The following LDLRAD4 variants were observed in gnomAD, a reference collection of about 807,000 sequenced individuals.
LDLRAD4 encodes low density lipoprotein receptor class A domain containing 4.
LDLRAD4 carries 5 observed loss-of-function variants against 17.0 expected under a neutral mutation model. The observed-to-expected ratio is 0.29, with a 90% CI of 0.15 to 0.62. LDLRAD4 has a LOEUF of 0.62. Among genes scored for constraint, LDLRAD4 ranks in the 20% least tolerant of loss-of-function variants. The pLI is 0.84. For synonymous variants in LDLRAD4, 168 were observed against 171.8 expected (o/e 0.98, Z 0.17); for missense variants, 340 against 424.7 (o/e 0.80, Z 1.75).
chr18:13,449,269 C>T (rs895663759), intron 3 of LDLRAD4, among the ~76,000 whole-genome samples: 1 of 152,164 alleles, frequency 6.6e-6, no homozygotes, highest in Admixed American at 6.5e-5. Context: ...CCTTCTTGCC[C>T]TAGACCCTTT....
chr18:13,267,645 A>G (rs934512576), intron 1 of LDLRAD4, among the ~76,000 whole-genome samples: 1 of 152,240 alleles, frequency 6.6e-6, no homozygotes, highest in Non-Finnish European at 1.5e-5. Flanking sequence ...CGTCGTGTGT[A>G]ACCCAGCTAC....
At chr18:13,476,299 T>C (rs1245251718) in intron 3 of LDLRAD4, among the ~76,000 whole-genome samples, 1 of 152,084 alleles carries the variant, frequency 6.6e-6, no homozygotes, top group East Asian at 1.9e-4. Flanking sequence ...AGAAGTAAAT[T>C]GCCAACATTA....
Position 13,571,385 on chromosome 18 carries a change from C to T in LDLRAD4, c.182-49732C>T, listed in dbSNP as rs556443120. On this transcript the variant is annotated intron_variant, in intron 3 of 5. Transcript: ENST00000359446. Reference sequence around the variant, plus strand: ...AAAGCATGTGAAGTTGGTCACAGCCCGTCACCCTGTTTCTGCCATCTCCGT... The same window carrying T: ...AAAGCATGTGAAGTTGGTCACAGCCTGTCACCCTGTTTCTGCCATCTCCGT... 8.5e-5 allele frequency among the ~76,000 whole-genome samples: 13 copies of T among 152,270 alleles called. No homozygotes were observed. The East Asian group carries it at 9.6e-4, about 11-fold the overall frequency.
At position 13,349,159 on chromosome 18, in the gene LDLRAD4, C is replaced by T. The variant is rs577045916; in HGVS notation, c.-382-38182C>T. Among the ~76,000 whole-genome samples, 6 of 152,304 alleles carry T rather than the reference C, an allele frequency of 3.9e-5. No individual in the cohort carries two copies. In the East Asian group the frequency reaches 7.7e-4, roughly 20 times the overall value. The stretch of plus-strand genomic sequence containing the variant: ...AAATGCAGAAATCGTTTGTCTTCTG[C>T]GTTGCTCACGCTGGGAGCTGTAGAC... On this transcript the variant is annotated intron_variant, in intron 1 of 5. Coordinates refer to ENST00000359446, the Ensembl canonical transcript of LDLRAD4.
chr18:13,615,672 GC>G (rs1469075477), intron 3 of LDLRAD4: 3 of 152,222 alleles, frequency 2.0e-5, no homozygotes, highest in Non-Finnish European at 4.4e-5. Context: ...CACTGTCACT[GC>G]TGTACAATAA....
chr18:13,268,879 A>G (rs1599012829), intron 1 of LDLRAD4, among the ~76,000 whole-genome samples: 1 of 152,390 alleles, frequency 6.6e-6, no homozygotes, highest in Admixed American at 6.5e-5. Flanking sequence ...TAGTGATTTA[A>G]AAAATGAAGA....
chr18:13,273,815 C>T (rs780996276), upstream of LDLRAD4, among the ~76,000 whole-genome samples: 27 of 152,206 alleles, frequency 1.8e-4, no homozygotes, highest in African/African-American at 5.8e-4. Flanking sequence ...TCATGCAGTC[C>T]TGTCCTGGTG....
At chr18:13,635,080 G>A (rs1383832167) in intron 4 of LDLRAD4, among the ~76,000 whole-genome samples, 4 of 152,114 alleles carry the variant, frequency 2.6e-5, no homozygotes, top group African/African-American at 9.7e-5. Flanking sequence ...TAACTCAAAT[G>A]GACAAAAATA....
intron 3 of LDLRAD4, among the ~76,000 whole-genome samples, chr18:13,442,610 G>A (rs1027065407): frequency 1.6e-4 from 24 of 152,210 alleles, no homozygotes; most frequent in African/African-American, 4.8e-4. Context: ...CCTGCTGGCC[G>A]GCCGGCTGCG....
chr18:13,609,904 C>T (rs1182900507), intron 3 of LDLRAD4, among the ~76,000 whole-genome samples: 3 of 152,186 alleles, frequency 2.0e-5, no homozygotes, highest in Admixed American at 2.0e-4. Context: ...ATCACTTGAA[C>T]CGGGGAGACA....
chr18:13,520,436 A>G (rs1477669860), intron 3 of LDLRAD4: 2 of 152,234 alleles, frequency 1.3e-5, no homozygotes, highest in African/African-American at 4.8e-5. Context: ...TTGACAAAGG[A>G]AGTGACATAT....
At chr18:13,409,631 C>G (rs1405827462) in intron 2 of LDLRAD4, among the ~76,000 whole-genome samples, 2 of 152,218 alleles carry the variant, frequency 1.3e-5, no homozygotes, top group Non-Finnish European at 2.9e-5. Flanking sequence ...ATTCTCTAAA[C>G]TAATTCTTAA....
chr18:13,533,337 C>G (rs2094156071), intron 3 of LDLRAD4, among the ~76,000 whole-genome samples: 1 of 152,168 alleles, frequency 6.6e-6, no homozygotes, highest in Admixed American at 6.5e-5. Context: ...CTCATGACCA[C>G]TTTGAAGAAC....
intron 1 of LDLRAD4, among the ~76,000 whole-genome samples, chr18:13,301,594 C>T (rs1331817377): frequency 6.6e-6 from 1 of 152,142 alleles, no homozygotes; most frequent in Non-Finnish European, 1.5e-5. Context: ...CTCACCTTGT[C>T]CCCAGGAGCC....
Position 13,250,169 on chromosome 18 carries a change from G to A in LDLRAD4, c.-466-27936G>A, listed in dbSNP as rs563224307. 6.8e-3 allele frequency among the ~76,000 whole-genome samples: 1,042 copies of A among 152,212 alleles called. 10 individuals carry two copies. Among genetic ancestry groups the A allele is most frequent in the African/African-American group, 0.024 (993 of 41,524 alleles). ...TCTGTTCTCTCTATTCTGTTCCATT[G>A]ATCTATGTGTCTGTTTTTATGCCAG... On this transcript the variant is annotated intron_variant, in intron 1 of 5. Coordinates refer to the LDLRAD4 transcript ENST00000399848.
intron 3 of LDLRAD4, among the ~76,000 whole-genome samples, chr18:13,447,845 GCT>G (rs756532265): frequency 1.5e-4 from 23 of 152,166 alleles, no homozygotes; most frequent in Non-Finnish European, 2.9e-4. Context: ...CTGTCTAGAC[GCT>G]CTCTGCCTGA....
chr18:13,493,087 G>C (rs1785109), intron 3 of LDLRAD4, among the ~76,000 whole-genome samples: 51,612 of 151,950 alleles, frequency 0.34, 9,160 homozygotes, highest in African/African-American at 0.43. Context: ...CCACTGTACT[G>C]CAGCTTGGGT....
At chr18:13,301,776 G>A (rs1283416421) in intron 1 of LDLRAD4, among the ~76,000 whole-genome samples, 1 of 152,220 alleles carries the variant, frequency 6.6e-6, no homozygotes, top group Non-Finnish European at 1.5e-5. Flanking sequence ...AGTGATGGAT[G>A]GCCTAAAGAA....
At chr18:13,626,950 G>A (rs946512876) in intron 4 of LDLRAD4, among the ~76,000 whole-genome samples, 1 of 152,264 alleles carries the variant, frequency 6.6e-6, no homozygotes, top group African/African-American at 2.4e-5. Flanking sequence ...GCCCCACAGG[G>A]TGTTCGAACC....
Sources: allele counts gnomAD v4.1 joint callset (sites outside exome capture counted in the v4.1 genomes callset), GRCh38; gene constraint gnomAD v4.1.1; transcripts MANE v1.5; gene names NCBI Gene and HGNC (gene_info 2026-07-23, HGNC 2026-07-21).